Variants in RPGRIP1 observed in about 807,000 individuals in gnomAD.
RPGRIP1 encodes the protein RPGR interacting protein 1, also known as X-linked retinitis pigmentosa GTPase regulator-interacting protein 1.
RPGRIP1 carries 128 observed loss-of-function variants against 157.9 expected under a neutral mutation model. The observed-to-expected ratio is 0.81, with a 90% confidence interval of 0.70 to 0.94. RPGRIP1 has a LOEUF of 0.94. Ranked by LOEUF, RPGRIP1 falls within the 40% of genes least tolerant of loss-of-function variation. The pLI is 0.00. For missense variants in RPGRIP1, 1,486 were observed against 1,545.8 expected (o/e 0.96, Z 0.65); for synonymous variants, 554 against 571.6 (o/e 0.97, Z 0.44).
chr14:21,301,264 A>G, intron 4 of RPGRIP1, 27 bp downstream of exon 4: 1 of 1,565,736 alleles, frequency 6.4e-7, no homozygotes, highest in Non-Finnish European at 8.7e-7. Flanking sequence ...CATCCCCTAC[A>G]GGGCTAAGAC....
intron 20 of RPGRIP1, among the ~76,000 whole-genome samples, chr14:21,333,924 C>CTTT (rs372543522): frequency 2.5e-4 from 32 of 130,536 alleles, no homozygotes; most frequent in African/African-American, 7.5e-4. Flanking sequence ...TTGAGGCCAC[C>CTTT]TTTTTTTTTT....
chr14:21,348,828 T>C (rs1047481132), intron 24 of RPGRIP1, among the ~76,000 whole-genome samples: 1 of 151,742 alleles, frequency 6.6e-6, no homozygotes, highest in Non-Finnish European at 1.5e-5. Context: ...GCCTGGCTAA[T>C]TTTTGTATTT....
At chr14:21,309,155 C>T (rs1468086734) in intron 7 of RPGRIP1, among the ~76,000 whole-genome samples, 3 of 152,170 alleles carry the variant, frequency 2.0e-5, no homozygotes, top group African/African-American at 7.2e-5. Flanking sequence ...TTTCCAAGGA[C>T]CCCTTTTCCT....
chr14:21,339,701 T>C (rs1219317278), intron 21 of RPGRIP1, among the ~76,000 whole-genome samples: 1 of 152,204 alleles, frequency 6.6e-6, no homozygotes, highest in East Asian at 1.9e-4. Context: ...TGATTGAGAT[T>C]TCATACTGTG....
intron 13 of RPGRIP1, 42 bp downstream of exon 13, chr14:21,321,444 AC>A (rs1439980179): frequency 6.3e-7 from 1 of 1,585,582 alleles, no homozygotes; most frequent in African/African-American, 1.4e-5. Context: ...GATAACAGGA[AC>A]GTGGGAACCA....
At chr14:21,344,107 C>T (rs2139343901) in intron 22 of RPGRIP1, among the ~76,000 whole-genome samples, 1 of 151,844 alleles carries the variant, frequency 6.6e-6, no homozygotes, top group East Asian at 1.9e-4. Flanking sequence ...CTCTTTTGCA[C>T]TACACTCATG....
intron 1 of RPGRIP1, among the ~76,000 whole-genome samples, chr14:21,283,510 C>T (rs977695037): frequency 1.3e-5 from 2 of 152,002 alleles, no homozygotes; most frequent in East Asian, 1.9e-4. Flanking sequence ...GCCATGTTAG[C>T]CAGGCTGGTC....
chr14:21,295,997 G>A (rs144194414), intron 3 of RPGRIP1, among the ~76,000 whole-genome samples: 11 of 151,642 alleles, frequency 7.3e-5, no homozygotes, highest in East Asian at 2.0e-4. Context: ...GTGCAGTGGC[G>A]CAGTCTCGGC....
intron 2 of RPGRIP1, 67 bp downstream of exon 2, chr14:21,288,128 C>A: frequency 9.9e-7 from 1 of 1,013,250 alleles, no homozygotes; most frequent in Non-Finnish European, 1.6e-6. Context: ...GAACATCTTG[C>A]TGGCCTTCAC....
chr14:21,325,598 G>A (rs1378616067), intron 16 of RPGRIP1, among the ~76,000 whole-genome samples: 2 of 152,214 alleles, frequency 1.3e-5, no homozygotes, highest in African/African-American at 2.4e-5. Context: ...TCCTTGCTGT[G>A]AACAGAATAG....
At chr14:21,293,116 A>T (rs1451668864) in intron 2 of RPGRIP1, among the ~76,000 whole-genome samples, 1 of 152,224 alleles carries the variant, frequency 6.6e-6, no homozygotes, top group Non-Finnish European at 1.5e-5. Flanking sequence ...ATTGCACTCC[A>T]GCCTGGGCAA....
At chr14:21,309,105 C>T (rs1881440499) in intron 7 of RPGRIP1, among the ~76,000 whole-genome samples, 1 of 152,078 alleles carries the variant, frequency 6.6e-6, no homozygotes, top group Non-Finnish European at 1.5e-5. Flanking sequence ...TCCTGCTAGA[C>T]AAAAAACGTT....
Position 21,343,371 on chromosome 14 carries a change from T to C in RPGRIP1, c.3532+143T>C, listed in dbSNP as rs111872948. Reference sequence around the variant, plus strand: ...TGTTCAAAGTGTTGTGTGCATGTGGTTTAAAAACATCGAATGGGGCTAAAC... The same window carrying C: ...TGTTCAAAGTGTTGTGTGCATGTGGCTTAAAAACATCGAATGGGGCTAAAC... On this transcript the variant is annotated intron_variant, in intron 22 of 24. Transcript: ENST00000400017. 1.9e-3 allele frequency: 1,277 copies of C among 659,104 alleles called. 10 individuals carry two copies. In the African/African-American group the frequency reaches 0.021, roughly 11 times the overall value. 40.8% of individuals were successfully genotyped at this position (659,104 alleles called of 1,614,324 possible).
At chr14:21,293,548 G>A (rs140237050) in intron 2 of RPGRIP1, among the ~76,000 whole-genome samples, 1,829 of 151,772 alleles carry the variant, frequency 0.012, 13 homozygotes, top group Middle Eastern at 0.041. Flanking sequence ...TTGGAGACTA[G>A]CCTGGCCAAC....
At chr14:21,313,787 G>GAAA (rs113356233) in intron 10 of RPGRIP1, among the ~76,000 whole-genome samples, 2 of 130,856 alleles carry the variant, frequency 1.5e-5, no homozygotes, top group Non-Finnish European at 3.3e-5. Context: ...GACTTCCTCT[G>GAAA]AAAAAAAAAA....
At chr14:21,313,861 A>G (rs1881647734) in intron 10 of RPGRIP1, among the ~76,000 whole-genome samples, 1 of 151,656 alleles carries the variant, frequency 6.6e-6, no homozygotes, top group Non-Finnish European at 1.5e-5. Flanking sequence ...GACATGGTTT[A>G]TGTTATGTAT....
chr14:21,343,078 T>C lies in RPGRIP1; in HGVS notation c.3382T>C (p.Tyr1128His). Residue 1128 changes from tyrosine (Y) to histidine (H), a missense_variant, in exon 22 of 25, where the codon TAC becomes CAC. By Grantham distance (83) the Tyr-to-His change is moderately conservative. Transcript: ENST00000400017. ...MCIEIVSLAFYPEAEVMSDEN... is the reference protein window; with the variant it reads ...MCIEIVSLAFHPEAEVMSDEN... ...CATTGAAATTGTCTCCCTGGCCTTC[T>C]ACCCAGAGGCAGAAGTGATGTCTGA... 4 of 1,613,480 alleles carry C rather than the reference T, an allele frequency of 2.5e-6. No homozygotes were observed. The South Asian group carries it at 4.4e-5, about 18-fold the overall frequency.
At chr14:21,285,425 G>A (rs1880264964) in intron 1 of RPGRIP1, among the ~76,000 whole-genome samples, 1 of 151,862 alleles carries the variant, frequency 6.6e-6, no homozygotes, top group Non-Finnish European at 1.5e-5. Context: ...CTAACATGGT[G>A]AGACCCCGTC....
At chr14:21,349,019 T>C (rs1885864634) in intron 24 of RPGRIP1, among the ~76,000 whole-genome samples, 3 of 151,298 alleles carry the variant, frequency 2.0e-5, no homozygotes, top group African/African-American at 7.3e-5. Flanking sequence ...CACTGGTCAT[T>C]AAGTCTTATC....
Sources: allele counts gnomAD v4.1 joint callset (sites outside exome capture counted in the v4.1 genomes callset), GRCh38; gene constraint gnomAD v4.1.1; transcripts MANE v1.5; gene names NCBI Gene and HGNC (gene_info 2026-07-23, HGNC 2026-07-21).